Variants in FHOD3 observed in about 807,000 individuals in gnomAD.
The protein encoded by FHOD3 is FH1/FH2 domain-containing protein 3.
In FHOD3, 90 loss-of-function variants were observed where a neutral mutation model predicts 173.0. The ratio of observed to expected loss-of-function variants is 0.52; its 90% CI spans 0.44 to 0.62. The LOEUF (loss-of-function observed/expected upper bound fraction) is 0.62. Among genes scored for constraint, FHOD3 ranks in the 20% least tolerant of loss-of-function variants. The pLI is 0.00. For missense variants in FHOD3, 1,945 were observed against 2,034.7 expected, an observed-to-expected ratio of 0.96 and a Z score of 0.85; for synonymous variants, 828 against 823.0, an observed-to-expected ratio of 1.01 and a Z score of -0.10.
chr18:36,400,759 C>A (rs2048767351), intron 3 of FHOD3, among the ~76,000 whole-genome samples: 1 of 152,164 alleles, frequency 6.6e-6, no homozygotes, highest in Admixed American at 6.5e-5. Flanking sequence ...CAAAGGCAAC[C>A]AGGAAGTGAG....
intron 16 of FHOD3, among the ~76,000 whole-genome samples, chr18:36,688,812 C>T (rs1239948844): frequency 6.6e-6 from 1 of 152,196 alleles, no homozygotes; most frequent in Non-Finnish European, 1.5e-5. Flanking sequence ...TTCAAAATTT[C>T]CCCAAACCAC....
chr18:36,338,435 A>C (rs1251817481), intron 1 of FHOD3, among the ~76,000 whole-genome samples: 2 of 152,126 alleles, frequency 1.3e-5, no homozygotes, highest in East Asian at 3.9e-4. Context: ...ACTTTTAACT[A>C]TTGGCAGCTA....
intron 3 of FHOD3, among the ~76,000 whole-genome samples, chr18:36,419,777 T>C (rs1415847080): frequency 6.6e-6 from 1 of 152,152 alleles, no homozygotes; most frequent in African/African-American, 2.4e-5. Flanking sequence ...TGTGGCCACA[T>C]GTGGCCAGGG....
chr18:36,664,792 G>GAC (rs2037054158), intron 14 of FHOD3, among the ~76,000 whole-genome samples: 1 of 148,354 alleles, frequency 6.7e-6, no homozygotes, highest in Admixed American at 6.6e-5. Flanking sequence ...GAGAGAGAGA[G>GAC]AGAGAGAGAG....
At position 36,368,863 on chromosome 18, in the gene FHOD3, A is replaced by G. The variant is rs571508954; in HGVS notation, c.273-3817A>G. On this transcript the variant is annotated intron_variant, in intron 2 of 28. Coordinates refer to ENST00000590592, the MANE Select transcript of FHOD3 (RefSeq NM_001281740.3). ...TATGAGAACTCACTATCACAAGAAC[A>G]GCATGGGGGAAACCACCCCCCTGAT... Among the ~76,000 whole-genome samples the G allele has an allele frequency of 4.6e-5, 7 of 152,264 alleles. No individual in the cohort carries two copies. The South Asian group carries it at 1.5e-3, about 32-fold the overall frequency.
intron 3 of FHOD3, among the ~76,000 whole-genome samples, chr18:36,379,110 A>G (rs2047605953): frequency 6.6e-6 from 1 of 152,240 alleles, no homozygotes; most frequent in African/African-American, 2.4e-5. Context: ...TAAAGAATGA[A>G]TTTAAAGAGT....
chr18:36,537,878 C>CACACATTCTTTTAA (rs1346369218), intron 5 of FHOD3, among the ~76,000 whole-genome samples: 1 of 152,138 alleles, frequency 6.6e-6, no homozygotes, highest in Non-Finnish European at 1.5e-5. Flanking sequence ...CCCTCAGTAG[C>CACACATTCTTTTAA]AGAGTCACAC....
chr18:36,588,188 C>G (rs1186106002), intron 6 of FHOD3, among the ~76,000 whole-genome samples: 2 of 152,198 alleles, frequency 1.3e-5, no homozygotes. Context: ...GATTTGGAGT[C>G]TGGGATGTCT....
At chr18:36,606,865 A>G (rs1421910230) in intron 8 of FHOD3, among the ~76,000 whole-genome samples, 1 of 152,230 alleles carries the variant, frequency 6.6e-6, no homozygotes, top group Non-Finnish European at 1.5e-5. Context: ...AGAGGAAAAA[A>G]CAATATTAAA....
intron 3 of FHOD3, among the ~76,000 whole-genome samples, chr18:36,496,170 A>G (rs528920487): frequency 6.2e-4 from 94 of 152,310 alleles, no homozygotes; most frequent in Non-Finnish European, 1.2e-3. Flanking sequence ...AAAGCTCCAG[A>G]GGACACCTCA....
chr18:36,587,880 G>A (rs565504549), intron 6 of FHOD3, among the ~76,000 whole-genome samples: 7 of 152,092 alleles, frequency 4.6e-5, no homozygotes, highest in East Asian at 1.9e-4. Context: ...TTTCCTGTTC[G>A]CTAGCAAAAT....
intron 17 of FHOD3, among the ~76,000 whole-genome samples, chr18:36,701,453 A>G (rs1418775413): frequency 6.6e-6 from 1 of 152,154 alleles, no homozygotes; most frequent in Admixed American, 6.5e-5. Context: ...GTAGCATTAT[A>G]TACATATTTA....
At chr18:36,388,508 G>C (rs558870037) in intron 3 of FHOD3, among the ~76,000 whole-genome samples, 104 of 152,288 alleles carry the variant, frequency 6.8e-4, no homozygotes, top group Non-Finnish European at 1.2e-3. Flanking sequence ...GGACTTACCT[G>C]CATGCCCCAG....
chr18:36,705,355 C>G (rs1384025551), intron 17 of FHOD3, among the ~76,000 whole-genome samples: 2 of 152,200 alleles, frequency 1.3e-5, no homozygotes, highest in African/African-American at 2.4e-5. Context: ...GCATTTCCCC[C>G]CTTTTAACTC....
At chr18:36,770,079 C>T (rs2043311223) in intron 28 of FHOD3, among the ~76,000 whole-genome samples, 1 of 152,218 alleles carries the variant, frequency 6.6e-6, no homozygotes, top group Non-Finnish European at 1.5e-5. Context: ...CCTCTGTCTG[C>T]CCCTCTCAGG....
intron 10 of FHOD3, among the ~76,000 whole-genome samples, chr18:36,630,511 C>G (rs1477821778): frequency 6.6e-6 from 1 of 152,188 alleles, no homozygotes; most frequent in African/African-American, 2.4e-5. Context: ...AAATCCAATT[C>G]TAATCGGCTT....
intron 23 of FHOD3, among the ~76,000 whole-genome samples, chr18:36,744,946 G>A (rs961566206): frequency 8.5e-5 from 13 of 152,146 alleles, no homozygotes; most frequent in African/African-American, 3.1e-4. Context: ...CCCTTAAATA[G>A]GGCACAGCAA....
chr18:36,359,223 C>T (rs796477396), intron 2 of FHOD3, among the ~76,000 whole-genome samples: 6 of 152,164 alleles, frequency 3.9e-5, no homozygotes, highest in African/African-American at 1.4e-4. Flanking sequence ...TTTTTCATAC[C>T]ATGTGTTCTG....
At chr18:36,683,782 G>C (rs944229312) in intron 15 of FHOD3, among the ~76,000 whole-genome samples, 1 of 152,218 alleles carries the variant, frequency 6.6e-6, no homozygotes, top group Non-Finnish European at 1.5e-5. Context: ...TGTCCAGGCA[G>C]TTGCCTGAAA....
Sources: gnomAD v4.1 joint callset for allele counts (sites outside exome capture counted in the v4.1 genomes callset) on GRCh38, gnomAD v4.1.1 for gene constraint, MANE v1.5 for transcripts, NCBI Gene and HGNC (gene_info 2026-07-23, HGNC 2026-07-21) for gene names.